Variants in SAMMSON observed in about 807,000 individuals in gnomAD.
SAMMSON encodes survival associated mitochondrial melanoma specific oncogenic non-coding RNA, also known as long intergenic non-protein coding RNA 1212.
chr3:70,122,264 C>A (rs886228409), intron 4 of SAMMSON, among the ~76,000 whole-genome samples: 1 of 152,184 alleles, frequency 6.6e-6, no homozygotes, highest in Admixed American at 6.5e-5. Flanking sequence ...GTGAGCCTGG[C>A]TCACTGCAGC....
chr3:70,250,164 A>G (rs1701747493), intron 6 of SAMMSON, among the ~76,000 whole-genome samples: 1 of 152,166 alleles, frequency 6.6e-6, no homozygotes, highest in Non-Finnish European at 1.5e-5. Flanking sequence ...TTCAATAAAT[A>G]TTGTGAAGGA....
rs140781474 is a variant in SAMMSON, at chr3:70,425,400, A to ATTATTTATTTAT, written n.234-37142_234-37131dup. Among the ~76,000 whole-genome samples, 811 of 150,684 alleles carry ATTATTTATTTAT rather than the reference A, an allele frequency of 5.4e-3. 2 individuals carry two copies. The highest frequency in any genetic ancestry group is 0.019 in the African/African-American group (760 of 40,874). On this transcript the variant is annotated intron_variant and non_coding_transcript_variant, in intron 2 of 3. Transcript: ENST00000641053. Reference sequence around the variant, plus strand: ...CCTATTTCAAGTTGTCTATTTTTTTATTATTTATTTATTTATTTATTTATT... The same window carrying ATTATTTATTTAT: ...CCTATTTCAAGTTGTCTATTTTTTTATTATTTATTTATTTATTTATTTATTTATTTATTTATT...
chr3:70,232,403 TA>T (rs1256891776), intron 4 of SAMMSON, among the ~76,000 whole-genome samples: 2 of 136,882 alleles, frequency 1.5e-5, no homozygotes, highest in African/African-American at 2.6e-5. Flanking sequence ...ATGATGTTCC[TA>T]TTTTTTTTTT....
At chr3:70,243,196 G>A (rs924056738) in intron 4 of SAMMSON, among the ~76,000 whole-genome samples, 5 of 152,090 alleles carry the variant, frequency 3.3e-5, no homozygotes, top group Admixed American at 2.6e-4. Flanking sequence ...TCTTGTTAAG[G>A]TCTGTTGAGG....
intron 4 of SAMMSON, among the ~76,000 whole-genome samples, chr3:70,242,976 A>G (rs1701676455): frequency 6.6e-6 from 1 of 152,212 alleles, no homozygotes; most frequent in South Asian, 2.1e-4. Context: ...GGCCTAACCT[A>G]AATACTAATT....
chr3:70,194,524 A>C (rs767409221), intron 4 of SAMMSON, among the ~76,000 whole-genome samples: 5 of 152,236 alleles, frequency 3.3e-5, no homozygotes, highest in Non-Finnish European at 5.9e-5. Context: ...TAAAGAAAAG[A>C]AATTTCACAC....
intron 4 of SAMMSON, among the ~76,000 whole-genome samples, chr3:70,232,500 A>T (rs1441317524): frequency 6.6e-5 from 10 of 151,860 alleles, no homozygotes; most frequent in Middle Eastern, 3.4e-3. Flanking sequence ...CCCGGGTTCA[A>T]GTGATTCTCC....
chr3:70,064,810 T>C (rs1169180323), intron 3 of SAMMSON, among the ~76,000 whole-genome samples: 1 of 152,114 alleles, frequency 6.6e-6, no homozygotes, highest in Non-Finnish European at 1.5e-5. Flanking sequence ...TATGTCTTAC[T>C]GGAAAAATCT....
chr3:70,393,934 C>T (rs146828865), downstream of SAMMSON, among the ~76,000 whole-genome samples: 131 of 152,214 alleles, frequency 8.6e-4, no homozygotes, highest in Non-Finnish European at 1.6e-3. Context: ...TTTAAAAAGA[C>T]GACTTTGGCA....
intron 7 of SAMMSON, among the ~76,000 whole-genome samples, chr3:70,321,176 C>T (rs1441459444): frequency 6.6e-6 from 1 of 152,046 alleles, no homozygotes; most frequent in African/African-American, 2.4e-5. Flanking sequence ...TCTATACATT[C>T]ACAAAATGAT....
intron 3 of SAMMSON, among the ~76,000 whole-genome samples, chr3:70,062,208 G>A (rs1033537765): frequency 5.9e-5 from 9 of 151,672 alleles, no homozygotes; most frequent in Admixed American, 2.6e-4. Flanking sequence ...TAATAATATC[G>A]GCATGTTAAG....
intron 6 of SAMMSON, among the ~76,000 whole-genome samples, chr3:70,286,292 C>T (rs1340851341): frequency 6.6e-6 from 1 of 152,114 alleles, no homozygotes; most frequent in Non-Finnish European, 1.5e-5. Flanking sequence ...GCCAGTTTTC[C>T]CAGCACCGTT....
chr3:70,303,291 A>T (rs1405393047), intron 7 of SAMMSON, among the ~76,000 whole-genome samples: 1 of 152,108 alleles, frequency 6.6e-6, no homozygotes, highest in East Asian at 1.9e-4. Flanking sequence ...TGTGTGTAGC[A>T]TTATGGTGCT....
chr3:70,327,190 A>G (rs966099749), intron 7 of SAMMSON, among the ~76,000 whole-genome samples: 2 of 152,220 alleles, frequency 1.3e-5, no homozygotes, highest in Non-Finnish European at 2.9e-5. Flanking sequence ...TAATATTCAC[A>G]TCTATCAAAT....
intron 7 of SAMMSON, among the ~76,000 whole-genome samples, chr3:70,322,856 A>G (rs1259641906): frequency 1.3e-5 from 2 of 151,910 alleles, no homozygotes; most frequent in East Asian, 3.9e-4. Flanking sequence ...TTATAAAATT[A>G]GTAAAGTTAA....
chr3:70,347,587 T>A lies in SAMMSON; in HGVS notation n.740-6588T>A, dbSNP rs74722447. On this transcript the variant is annotated intron_variant and non_coding_transcript_variant, in intron 7 of 9. Coordinates refer to ENST00000642114, the Ensembl canonical transcript of SAMMSON. ...ACTAGAATGTGGCTGCATATTTACT[T>A]ATTCAACAAATATTTATGAATGCTC... is the stretch of plus-strand genomic sequence containing the variant. Among the ~76,000 whole-genome samples, 687 of 152,316 alleles carry A rather than the reference T, an allele frequency of 4.5e-3. 7 individuals carry two copies. The highest frequency in any genetic ancestry group is 0.016 in the Admixed American group (239 of 15,298).
At chr3:70,086,985 A>G (rs893129096) in intron 4 of SAMMSON, among the ~76,000 whole-genome samples, 1 of 152,172 alleles carries the variant, frequency 6.6e-6, no homozygotes, top group Non-Finnish European at 1.5e-5. Context: ...CTGAGCCCCA[A>G]ATACAGCCCG....
intron 7 of SAMMSON, among the ~76,000 whole-genome samples, chr3:70,308,246 T>A (rs945221153): frequency 4.6e-5 from 7 of 152,162 alleles, no homozygotes; most frequent in East Asian, 1.9e-4. Flanking sequence ...ATTTTATTTT[T>A]TTTTTGTAGA....
intron 7 of SAMMSON, among the ~76,000 whole-genome samples, chr3:70,343,790 C>T (rs931697539): frequency 1.3e-5 from 2 of 151,826 alleles, no homozygotes; most frequent in Non-Finnish European, 2.9e-5. Flanking sequence ...AAATAAATTA[C>T]TTGGAATTGT....
Sources: gnomAD v4.1 joint callset for allele counts (sites outside exome capture counted in the v4.1 genomes callset) on GRCh38, gnomAD v4.1.1 for gene constraint, MANE v1.5 for transcripts, NCBI Gene and HGNC (gene_info 2026-07-23, HGNC 2026-07-21) for gene names.